CDC23: variants seen among roughly 807,000 people sequenced by gnomAD.
CDC23 encodes the protein cell division cycle protein 23 homolog.
Under a neutral mutation model 81.7 loss-of-function variants are expected in CDC23, and 26 were observed. The ratio of observed to expected loss-of-function variants is 0.32; its 90% CI spans 0.23 to 0.44. The LOEUF is 0.44. Among genes scored for constraint, CDC23 ranks in the 20% least tolerant of loss-of-function variants. The pLI is 1.00. For missense variants in CDC23, 519 were observed against 728.0 expected (o/e 0.71, Z 3.30); for synonymous variants, 267 against 270.8 (o/e 0.99, Z 0.14).
chr5:138,207,935 A>G (rs1755070942), intron 2 of CDC23, among the ~76,000 whole-genome samples: 2 of 152,012 alleles, frequency 1.3e-5, no homozygotes. Context: ...CTCAAAAAAA[A>G]AACAAAAAAC....
intron 9 of CDC23, among the ~76,000 whole-genome samples, chr5:138,197,099 T>TA (rs1171520280): frequency 4.1e-5 from 6 of 147,618 alleles, no homozygotes; most frequent in East Asian, 4.0e-4. Context: ...AAAATATGTT[T>TA]AAAAAAAAAG....
intron 9 of CDC23, 151 bp downstream of exon 9, chr5:138,198,048 T>A: frequency 1.6e-6 from 1 of 608,326 alleles, no homozygotes; most frequent in Non-Finnish European, 2.9e-6. Flanking sequence ...TGCCCTGACA[T>A]CTGGGCTCTC....
intron 9 of CDC23, among the ~76,000 whole-genome samples, chr5:138,194,900 T>C (rs1754867255): frequency 6.6e-6 from 1 of 151,798 alleles, no homozygotes; most frequent in African/African-American, 2.4e-5. Context: ...TTTCATATTT[T>C]TAGTAGTGAC....
intron 9 of CDC23, among the ~76,000 whole-genome samples, chr5:138,195,545 T>TAA (rs1188526845): frequency 1.8e-5 from 2 of 110,662 alleles, no homozygotes; most frequent in African/African-American, 7.1e-5. Flanking sequence ...TATTTATATA[T>TAA]AATATAATTA....
chr5:138,204,408 G>C (rs2126587639), intron 3 of CDC23, among the ~76,000 whole-genome samples: 1 of 151,352 alleles, frequency 6.6e-6, no homozygotes, highest in South Asian at 2.1e-4. Context: ...GGGAGGCTGA[G>C]GTAAGAGAAA....
rs2151235609 is a variant in CDC23, at chr5:138,189,861, G to A, written c.1470C>T (p.Tyr490=). The A allele has an allele frequency of 1.2e-6, 2 of 1,614,088 alleles. No individual in the cohort carries two copies. Among genetic ancestry groups the A allele is most frequent in the East Asian group, 2.2e-5 (1 of 44,864 alleles). ...LTESEQAAQC[Y]IKYIQDIYSC... is the part of the protein sequence containing the mutation. ...AATAGATATCTTGGATATATTTGAT[G>A]TAACACTGGGCAGCCTGTTCTGACT... is the stretch of plus-strand genomic sequence containing the variant. The change falls in exon 14 of 16, where the codon TAC becomes TAT. Residue 490 remains tyrosine (Y), a synonymous_variant. Transcript: ENST00000394886.
In CDC23 at chr5:138,192,571, C is replaced by G. The variant is rs1754838722; in HGVS notation, c.1099G>C (p.Ala367Pro). 6.2e-7 allele frequency: 1 copy of G among 1,613,988 alleles called. No homozygotes were observed. The highest frequency in any genetic ancestry group is 1.3e-5 in the African/African-American group (1 of 74,912). The change falls in exon 10 of 16, where the codon GCC (alanine) becomes CCC (proline). Residue 367 changes from alanine to proline, a missense_variant. This residue lies in a region of CDC23 where 175 missense variants were observed against 337.8 expected (regional missense o/e 0.52). Transcript: ENST00000394886. ...TACTCATGTCCCATTAGTGTCCAGGCACCAAGATACCGAGGATTTAATTTC... is the reference window on the plus strand; with the variant it reads ...TACTCATGTCCCATTAGTGTCCAGGGACCAAGATACCGAGGATTTAATTTC... ...ALKLNPRYLG[A>P]WTLMGHEYME... is the part of the protein sequence containing the mutation.
Position 138,202,109 on chromosome 5 carries a change from G to A in CDC23, c.415+4C>T, listed in dbSNP as rs368262901. On this transcript the variant is annotated splice_donor_region_variant and intron_variant, in intron 4 of 15. Transcript: ENST00000394886. ...GTCAAAAGGTAAAAGAAAAAAATTC[G>A]TACCTAAGCTATCAACTGTTTCATC... The A allele has an allele frequency of 2.1e-5, 33 of 1,607,622 alleles. No homozygotes were observed. In the African/African-American group the frequency reaches 2.3e-4, roughly 11 times the overall value.
At chr5:138,190,743 A>G (rs1305919479) in intron 13 of CDC23, among the ~76,000 whole-genome samples, 1 of 152,164 alleles carries the variant, frequency 6.6e-6, no homozygotes, top group Non-Finnish European at 1.5e-5. Context: ...TCCGTCTCAA[A>G]AAAAAAAGAT....
At chr5:138,196,724 G>C (rs1025625271) in intron 9 of CDC23, among the ~76,000 whole-genome samples, 7 of 151,088 alleles carry the variant, frequency 4.6e-5, no homozygotes, top group Admixed American at 1.3e-4. Context: ...TGGACTACAG[G>C]CGCCCGCCAC....
Position 138,208,369 on chromosome 5 carries a change from C to T in CDC23, c.235-1685G>A, listed in dbSNP as rs190302844. Among the ~76,000 whole-genome samples the T allele has an allele frequency of 2.0e-5, 3 of 152,334 alleles. No individual in the cohort carries two copies. In the East Asian group the frequency reaches 5.8e-4, roughly 29 times the overall value. The stretch of plus-strand genomic sequence containing the variant: ...GGAACCAAAACATATTCAGTGCTTT[C>T]TTCATTAGATCAACATGTCCTAAAT... On this transcript the variant is annotated intron_variant, in intron 2 of 15. Transcript: ENST00000394886.
chr5:138,203,536 G>A (rs573827103), intron 3 of CDC23, among the ~76,000 whole-genome samples: 4 of 152,206 alleles, frequency 2.6e-5, no homozygotes, highest in South Asian at 4.2e-4. Context: ...TCAGATTAGC[G>A]GAGATTAAAG....
At chr5:138,195,752 T>TA (rs1754893791) in intron 9 of CDC23, among the ~76,000 whole-genome samples, 1 of 119,902 alleles carries the variant, frequency 8.3e-6, no homozygotes, top group East Asian at 2.1e-4. Flanking sequence ...TATATGTATA[T>TA]ATATACATAT....
intron 3 of CDC23, among the ~76,000 whole-genome samples, chr5:138,204,843 G>A (rs1395531174): frequency 2.6e-5 from 4 of 150,994 alleles, no homozygotes; most frequent in African/African-American, 7.3e-5. Context: ...TCCTGACCTC[G>A]TGATCCGCCC....
intron 13 of CDC23, among the ~76,000 whole-genome samples, chr5:138,190,284 C>A (rs1022133689): frequency 2.0e-5 from 3 of 149,650 alleles, no homozygotes; most frequent in Non-Finnish European, 4.4e-5. Flanking sequence ...AAGGTGAAAC[C>A]TCATCTCTAC....
chr5:138,209,493 T>A (rs1411217972), intron 2 of CDC23, among the ~76,000 whole-genome samples: 2 of 151,306 alleles, frequency 1.3e-5, no homozygotes, highest in Non-Finnish European at 2.9e-5. Context: ...GTTTAAGGCC[T>A]TATATGACAT....
intron 3 of CDC23, among the ~76,000 whole-genome samples, chr5:138,202,680 A>G (rs1448942198): frequency 6.6e-6 from 1 of 152,224 alleles, no homozygotes; most frequent in Non-Finnish European, 1.5e-5. Context: ...GTACAATTAA[A>G]AATATAGGAA....
intron 13 of CDC23, among the ~76,000 whole-genome samples, chr5:138,191,173 T>C (rs1015330139): frequency 6.6e-6 from 1 of 152,114 alleles, no homozygotes; most frequent in Non-Finnish European, 1.5e-5. Context: ...TGGAGTGCAA[T>C]GGCGCGATCT....
At chr5:138,200,983 C>T in intron 6 of CDC23, 124 bp downstream of exon 6, 2 of 1,030,874 alleles carry the variant, frequency 1.9e-6, no homozygotes, top group Non-Finnish European at 2.8e-6. Flanking sequence ...GAAAAGACAC[C>T]AGAGGCGCAG....
Sources: gnomAD v4.1 joint callset for allele counts (sites outside exome capture counted in the v4.1 genomes callset) on GRCh38, gnomAD v4.1.1 for gene constraint, gnomAD v4.1.1 regional missense constraint, MANE v1.5 for transcripts, NCBI Gene and HGNC (gene_info 2026-07-23, HGNC 2026-07-21) for gene names.